SYCE1L: variants seen among roughly 807,000 people sequenced by gnomAD.
SYCE1L encodes the protein synaptonemal complex central element protein 1 like.
In SYCE1L, 51 loss-of-function variants were observed where a neutral mutation model predicts 39.6. That is an observed-to-expected ratio of 1.29 (90% CI 1.03 to 1.63). The LOEUF is 1.63. Ranked by LOEUF, SYCE1L falls within the 40% of genes most tolerant of loss-of-function variation. The pLI is 0.00. For synonymous variants in SYCE1L, 147 were observed against 122.4 expected (o/e 1.20, Z -1.33); for missense variants, 426 against 304.9 (o/e 1.40, Z -2.96).
chr16:77,206,622 A>T (rs1191617833), intron 2 of SYCE1L, 122 bp downstream of exon 2: 4 of 922,378 alleles, frequency 4.3e-6, no homozygotes, highest in Non-Finnish European at 6.6e-6. Context: ...TCTCCCTCTT[A>T]TACAGTTTAA....
chr16:77,212,369 G>A lies in SYCE1L; in HGVS notation c.581G>A (p.Gly194Glu). 6.5e-7 allele frequency: 1 copy of A among 1,528,936 alleles called. No individual in the cohort carries two copies. The highest frequency in any genetic ancestry group is 8.8e-7 in the Non-Finnish European group (1 of 1,139,288). 94.7% of individuals were successfully genotyped at this position (1,528,936 alleles called of 1,614,324 possible). ...EVEGAMAVND[G>E]LKAELEIFGE... ...GAGGGCGCCATGGCGGTGAATGACGGGTGAGAGGGGAAGGGAGGAGTGGGC... is the reference window on the plus strand; with the variant it reads ...GAGGGCGCCATGGCGGTGAATGACGAGTGAGAGGGGAAGGGAGGAGTGGGC... The change falls in exon 9 of 11, where the codon GGG becomes GAG. Residue 194 changes from glycine (G) to glutamate (E), a missense_variant and splice_region_variant. Physicochemically the swap from Gly to Glu is moderately conservative, Grantham distance 98. Transcript: ENST00000378644.
chr16:77,199,414 C>A lies in SYCE1L; in HGVS notation c.-38C>A. ...TCACGTGGTTTCTTTTTTAACCAGTCATCAAGCGAGGCTCGCGCGCAGGCC... is the reference window on the plus strand; with the variant it reads ...TCACGTGGTTTCTTTTTTAACCAGTAATCAAGCGAGGCTCGCGCGCAGGCC... On this transcript the variant is annotated 5_prime_UTR_variant, in exon 1 of 11. Coordinates refer to ENST00000378644, the MANE Select transcript of SYCE1L (RefSeq NM_001129979.3). 1 of 1,548,330 alleles carries A rather than the reference C, an allele frequency of 6.5e-7. No individual in the cohort carries two copies. The highest frequency in any genetic ancestry group is 8.7e-7 in the Non-Finnish European group (1 of 1,144,654).
intron 4 of SYCE1L, among the ~76,000 whole-genome samples, 161 bp from the exon 5 acceptor site, chr16:77,208,936 C>T (rs2054804704): frequency 6.6e-6 from 1 of 152,188 alleles, no homozygotes; most frequent in African/African-American, 2.4e-5. Flanking sequence ...GAAGCTGGAT[C>T]AGGATGGTCC....
chr16:77,208,338 C>T, intron 3 of SYCE1L, 69 bp downstream of exon 3: 5 of 1,537,230 alleles, frequency 3.3e-6, no homozygotes, highest in Non-Finnish European at 4.4e-6. Flanking sequence ...ATGAATCCAC[C>T]TCCTCATCTA....
At chr16:77,202,835 G>C (rs940274746) in intron 1 of SYCE1L, among the ~76,000 whole-genome samples, 2 of 129,554 alleles carry the variant, frequency 1.5e-5, no homozygotes, top group African/African-American at 5.0e-5. Flanking sequence ...ATGATTGTCA[G>C]ATCTAGGCAA....
rs1024209513 is a variant in SYCE1L at position 77,209,110 on chromosome 16, A to G, written c.270A>G (p.Lys90=). The G allele has an allele frequency of 2.3e-5, 36 of 1,551,590 alleles. No individual in the cohort carries two copies. In the African/African-American group the frequency reaches 4.2e-4, roughly 18 times the overall value. The change falls in exon 5 of 11, where the codon AAA becomes AAG. Residue 90 remains lysine, a synonymous_variant. Coordinates refer to ENST00000378644, the MANE Select transcript of SYCE1L (RefSeq NM_001129979.3). ...TGTGTTTTCCAGTGAATGGAGAGAA[A>G]GTGCACCTAGAGGAGGTCTTGGGCA... ...HRELDSLNGE[K]VHLEEVLGKK... is the part of the protein sequence containing the mutation.
At chr16:77,203,559 A>G (rs1399251255) in intron 1 of SYCE1L, among the ~76,000 whole-genome samples, 2 of 151,816 alleles carry the variant, frequency 1.3e-5, no homozygotes, top group East Asian at 3.9e-4. Context: ...AACATGCTGT[A>G]AGTAATCCCC....
intron 1 of SYCE1L, 35 bp downstream of exon 1, chr16:77,199,547 C>G (rs962114381): frequency 1.3e-6 from 2 of 1,483,898 alleles, no homozygotes; most frequent in African/African-American, 2.8e-5. Context: ...TCCTTTCTCT[C>G]CAACCAGGGC....
chr16:77,206,727 C>G (rs1252610906), intron 2 of SYCE1L, among the ~76,000 whole-genome samples: 1 of 152,102 alleles, frequency 6.6e-6, no homozygotes, highest in Non-Finnish European at 1.5e-5. Flanking sequence ...CTCCCTCCCC[C>G]CACACACCAG....
intron 1 of SYCE1L, chr16:77,200,243 T>G (rs2054718807): frequency 7.7e-6 from 1 of 129,472 alleles, no homozygotes; most frequent in Admixed American, 8.0e-5. Context: ...TATATATATA[T>G]ATATGTATAT....
intron 7 of SYCE1L, 36 bp from the exon 8 acceptor site, chr16:77,212,094 C>T (rs1387060438): frequency 1.3e-6 from 2 of 1,533,620 alleles, no homozygotes; most frequent in African/African-American, 1.4e-5. Context: ...GCCAAGAGGA[C>T]GGCCAAACGG....
rs1220030789 is a variant in SYCE1L, at chr16:77,212,318, G to T, written c.530G>T (p.Arg177Leu). 2 of 1,524,904 alleles carry T rather than the reference G, an allele frequency of 1.3e-6. No individual in the cohort carries two copies. The highest frequency in any genetic ancestry group is 1.8e-6 in the Non-Finnish European group (2 of 1,137,714). 94.5% of individuals were successfully genotyped at this position (1,524,904 alleles called of 1,614,324 possible). A position where few individuals can be genotyped will look rare whatever the true frequency, so the allele number is the denominator to read the frequency against. Residue 177 changes from arginine to leucine, a missense_variant, in exon 9 of 11, where the codon CGG becomes CTG. Arg to Leu is a moderately radical substitution (Grantham distance 102, BLOSUM62 -2). Transcript: ENST00000378644. ...CGCGCCAAGCTGCGGGAGGTGGAGC[G>T]GCGGCTGCACTCGCCGCCTGAGGTC... ...LVRAKLREVE[R>L]RLHSPPEVEG...
intron 6 of SYCE1L, among the ~76,000 whole-genome samples, chr16:77,211,011 T>G (rs2054818606): frequency 6.6e-6 from 1 of 152,084 alleles, no homozygotes; most frequent in East Asian, 1.9e-4. Flanking sequence ...CAGGCCACTG[T>G]GTAGAAAGTG....
At position 77,199,499 on chromosome 16, in the gene SYCE1L, T is replaced by C. The variant is rs966741546; in HGVS notation, c.48T>C (p.Thr16=). ...TGAATGTGGAGGCGCCAGAAGCTAC[T>C]GAGGAGGCTGAAGGTAGTGAGGGCA... ...KPLNVEAPEA[T]EEAEGQAKSL... The change falls in exon 1 of 11, where the codon ACT becomes ACC. Residue 16 remains threonine, a synonymous_variant. Transcript: ENST00000378644. 1.9e-6 allele frequency: 3 copies of C among 1,551,334 alleles called. No individual in the cohort carries two copies. Among genetic ancestry groups the C allele is most frequent in the South Asian group, 1.2e-5 (1 of 84,054 alleles).
In SYCE1L at chr16:77,212,946, C is replaced by T. The variant is rs1597040326; in HGVS notation, c.*15C>T. The T allele has an allele frequency of 6.7e-7, 1 of 1,492,732 alleles. No homozygotes were observed. The highest frequency in any genetic ancestry group is 8.9e-7 in the Non-Finnish European group (1 of 1,123,058). 92.5% of individuals were successfully genotyped at this position (1,492,732 alleles called of 1,614,324 possible). On this transcript the variant is annotated 3_prime_UTR_variant, in exon 11 of 11. Coordinates refer to ENST00000378644, the MANE Select transcript of SYCE1L (RefSeq NM_001129979.3). ...ACGCCCTCTAGGCCAGCAGGACCCG[C>T]CCGTTCCCGACCTTCCCTCGAGACC...
intron 1 of SYCE1L, among the ~76,000 whole-genome samples, chr16:77,203,801 G>T (rs1412627908): frequency 6.6e-5 from 10 of 151,762 alleles, no homozygotes; most frequent in Admixed American, 2.6e-4. Context: ...TGCCACGTTG[G>T]CCAAGCTGGT....
At chr16:77,211,519 C>T (rs1025498050) in intron 7 of SYCE1L, among the ~76,000 whole-genome samples, 19 of 152,208 alleles carry the variant, frequency 1.2e-4, no homozygotes, top group Admixed American at 1.2e-3. Context: ...TGTGATCCTG[C>T]TTTCCCCCTG....
intron 9 of SYCE1L, 101 bp downstream of exon 9, chr16:77,212,470 T>C (rs1466308172): frequency 6.5e-7 from 1 of 1,539,144 alleles, no homozygotes; most frequent in African/African-American, 1.4e-5. Flanking sequence ...TTCCCCGGCC[T>C]GTGCCTCCCT....
At chr16:77,201,395 T>C (rs751417565) in intron 1 of SYCE1L, 2 of 152,058 alleles carry the variant, frequency 1.3e-5, no homozygotes, top group Non-Finnish European at 2.9e-5. Context: ...AAAGGAAAAA[T>C]TGAAGGATGT....
Sources: allele counts gnomAD v4.1 joint callset (sites outside exome capture counted in the v4.1 genomes callset), GRCh38; gene constraint gnomAD v4.1.1; transcripts MANE v1.5; gene names NCBI Gene and HGNC (gene_info 2026-07-23, HGNC 2026-07-21).